The following ZNF302 variants were observed in gnomAD, a reference collection of about 807,000 sequenced individuals.
The protein encoded by ZNF302 is zinc finger protein 327.
A neutral mutation model predicts 10.8 loss-of-function variants in ZNF302; 12 were observed. That is an observed-to-expected ratio of 1.11 (90% CI 0.71 to 1.79). ZNF302 has a LOEUF of 1.79. ZNF302 is among the 40% of genes most tolerant of loss of function. ZNF302 has a pLI of 0.00. For synonymous variants in ZNF302, 178 were observed against 157.5 expected, an observed-to-expected ratio of 1.13 and a Z score of -0.98; for missense variants, 461 against 471.1, an observed-to-expected ratio of 0.98 and a Z score of 0.20.
intron 4 of ZNF302, chr19:34,683,955 T>G: frequency 7.6e-7 from 1 of 1,312,112 alleles, no homozygotes; most frequent in Non-Finnish European, 9.8e-7. Flanking sequence ...TTCTGATACT[T>G]TCCTTTTTTC....
Position 34,686,337 on chromosome 19 carries a change from GAAAT to G in ZNF302, c.*1104_*1107del, listed in dbSNP as rs1489980062. ...AATGTTAAAAATTAAAGCTGCAAAA[GAAAT>G]AAAATGGTGTTAATAAAAATTTGGC... On this transcript the variant is annotated 3_prime_UTR_variant, in exon 5 of 5. Coordinates refer to ENST00000505242, the MANE Select transcript of ZNF302 (RefSeq NM_001289187.2). 2 of 152,232 alleles carry G rather than the reference GAAAT, an allele frequency of 1.3e-5. No homozygotes were observed. Among genetic ancestry groups the G allele is most frequent in the South Asian group, 2.1e-4 (1 of 4,824 alleles). 9.4% of individuals were successfully genotyped at this position (152,232 alleles called of 1,614,324 possible).
At position 34,684,935 on chromosome 19, in the gene ZNF302, C is replaced by T; in HGVS notation, c.898C>T (p.Leu300Phe). 6.2e-7 allele frequency: 1 copy of T among 1,614,008 alleles called. No homozygotes were observed. Among genetic ancestry groups the T allele is most frequent in the Non-Finnish European group, 8.5e-7 (1 of 1,179,924 alleles). ...AAAGTCTTTTAGTCGTGTGTCCCTT[C>T]TCATTCAGCATCTAAGAATTCATAC... ...CGKSFSRVSL[L>F]IQHLRIHTQE... The change falls in exon 5 of 5, where the codon CTC (leucine) becomes TTC (phenylalanine). Residue 300 changes from leucine (L) to phenylalanine (F), a missense_variant. Coordinates refer to ENST00000505242, the MANE Select transcript of ZNF302 (RefSeq NM_001289187.2).
At chr19:34,682,990 C>T (rs185137459) in intron 3 of ZNF302, 93 bp downstream of exon 3, 16 of 1,580,974 alleles carry the variant, frequency 1.0e-5, no homozygotes, top group Non-Finnish European at 1.3e-5. Context: ...GGCTGAATTT[C>T]TGTACCATGC....
rs750030989 is a variant in ZNF302, at chr19:34,684,172, A to G, written c.215-80A>G. The G allele has an allele frequency of 3.2e-3, 461 of 144,046 alleles. 2 individuals are homozygous for G. Among genetic ancestry groups the G allele is most frequent in the Middle Eastern group, 0.011 (3 of 262 alleles). 8.9% of individuals were successfully genotyped at this position (144,046 alleles called of 1,614,324 possible). A position where few individuals can be genotyped will look rare whatever the true frequency, so the allele number is the denominator to read the frequency against. ...ACTGTAGAAGCTTTTTTCAAGAAGT[A>G]AAAAAAAAAAAAAAAAAAAAAAAAA... On this transcript the variant is annotated intron_variant, in intron 4 of 4. Coordinates refer to ENST00000505242, the MANE Select transcript of ZNF302 (RefSeq NM_001289187.2).
intron 2 of ZNF302, chr19:34,681,162 A>C (rs538420589): frequency 5.3e-4 from 81 of 152,592 alleles, no homozygotes; most frequent in African/African-American, 1.7e-3. Context: ...TACTGAATGA[A>C]CTCTCAGAGC....
At position 34,685,865 on chromosome 19, in the gene ZNF302, G is replaced by A; in HGVS notation, c.*628G>A. ...AATTGACCTAAGTATACTCACACTA[G>A]GAAAAATCTGTGTACATGTAGCAAA... On this transcript the variant is annotated 3_prime_UTR_variant, in exon 5 of 5. Coordinates refer to ENST00000505242, the MANE Select transcript of ZNF302 (RefSeq NM_001289187.2). 1 of 245,600 alleles carries A rather than the reference G, an allele frequency of 4.1e-6. No individual in the cohort carries two copies. Among genetic ancestry groups the A allele is most frequent in the Non-Finnish European group, 7.9e-6 (1 of 126,906 alleles). 15.2% of individuals were successfully genotyped at this position (245,600 alleles called of 1,614,324 possible). A position where few individuals can be genotyped will look rare whatever the true frequency, so the allele number is the denominator to read the frequency against.
At position 34,685,320 on chromosome 19, in the gene ZNF302, G is replaced by A. The variant is rs2068606259; in HGVS notation, c.*83G>A. On this transcript the variant is annotated 3_prime_UTR_variant, in exon 5 of 5. Coordinates refer to ENST00000505242, the MANE Select transcript of ZNF302 (RefSeq NM_001289187.2). ...ATTAGATTGAAACCCTACGAATGCA[G>A]TATATGTGGGAAAGCCTTTAGTCAT... The A allele has an allele frequency of 4.3e-6, 7 of 1,613,818 alleles. No homozygotes were observed. The South Asian group carries it at 5.5e-5, about 13-fold the overall frequency.
intron 3 of ZNF302, 21 bp downstream of exon 3, chr19:34,682,918 A>T: frequency 6.2e-7 from 1 of 1,610,676 alleles, no homozygotes; most frequent in Non-Finnish European, 8.5e-7. Context: ...CACCCCTTCC[A>T]CTCCAATAGG....
intron 2 of ZNF302, chr19:34,681,692 G>T (rs1487134135): frequency 6.6e-6 from 1 of 152,166 alleles, no homozygotes; most frequent in Admixed American, 6.5e-5. Flanking sequence ...GGTGGAGCTC[G>T]GGTGATAATG....
chr19:34,683,102 T>G, intron 3 of ZNF302, 53 bp from the exon 4 acceptor site: 1 of 1,609,098 alleles, frequency 6.2e-7, no homozygotes, highest in East Asian at 2.2e-5. Context: ...TGTGATGGCC[T>G]CTCATAATAG....
intron 2 of ZNF302, chr19:34,679,795 G>A (rs1370253154): frequency 1.0e-5 from 7 of 696,818 alleles, no homozygotes; most frequent in Non-Finnish European, 1.8e-5. Flanking sequence ...CCTGGTGGGA[G>A]GAATGCTTTT....
In ZNF302 at chr19:34,685,615, TGA is replaced by T. The variant is rs1463557641; in HGVS notation, c.*381_*382del. The T allele has an allele frequency of 9.1e-7, 1 of 1,101,612 alleles. No individual in the cohort carries two copies. Among genetic ancestry groups the T allele is most frequent in the Non-Finnish European group, 1.4e-6 (1 of 732,914 alleles). The allele number at this position is 1,101,612 out of a possible 1,614,324, so 68.2% of individuals were successfully genotyped here. A position where few individuals can be genotyped will look rare whatever the true frequency, so the allele number is the denominator to read the frequency against. ...TAGATCATATGAATCCCTATACATG[TGA>T]GAAATCTTACAGAAGAGAAGCAGTG... On this transcript the variant is annotated 3_prime_UTR_variant, in exon 5 of 5. Coordinates refer to ENST00000505242, the MANE Select transcript of ZNF302 (RefSeq NM_001289187.2).
chr19:34,685,227 T>C lies in ZNF302; in HGVS notation c.1190T>C (p.Phe397Ser). The change falls in exon 5 of 5, where the codon TTT (phenylalanine) becomes TCT (serine). Residue 397 changes from phenylalanine to serine, a missense_variant. By Grantham distance (155) the Phe-to-Ser change is radical. Transcript: ENST00000505242. Reference sequence around the variant, plus strand: ...AGTATTCATACTGAAGAAAAACCGTTTGAAGTTTAGAAATGCAGGAAATCC... The same window carrying C: ...AGTATTCATACTGAAGAAAAACCGTCTGAAGTTTAGAAATGCAGGAAATCC... ...HQSIHTEEKP[F>S]EV The C allele has an allele frequency of 6.2e-7, 1 of 1,612,766 alleles. No individual in the cohort carries two copies. The highest frequency in any genetic ancestry group is 8.5e-7 in the Non-Finnish European group (1 of 1,179,288).
intron 2 of ZNF302, chr19:34,682,389 T>C (rs36059739): frequency 0.25 from 39,905 of 156,526 alleles, 5,227 homozygotes; most frequent in South Asian, 0.34. Context: ...GAGAGACAAT[T>C]GCTTTAGCCT....
chr19:34,682,158 A>C (rs2068384853), intron 2 of ZNF302: 1 of 152,264 alleles, frequency 6.6e-6, no homozygotes, highest in African/African-American at 2.4e-5. Flanking sequence ...CTCTTCCCTG[A>C]TGATGACATT....
chr19:34,678,915 GGGACTA>G, intron 2 of ZNF302, 102 bp downstream of exon 2: 2 of 1,382,304 alleles, frequency 1.4e-6, no homozygotes, highest in Non-Finnish European at 2.1e-6. Flanking sequence ...GTCCATTTAA[GGGACTA>G]GATCTATGGT....
chr19:34,685,108 T>C lies in ZNF302; in HGVS notation c.1071T>C (p.Thr357=). ...CTTTCTGCTGTAGCTCACACCTTAC[T>C]CAACATCAAAGAATTCACAGTATGA... ...GKAFCCSSHL[T]QHQRIHSMKK... The change falls in exon 5 of 5, where the codon ACT becomes ACC. Residue 357 remains threonine, a synonymous_variant. Coordinates refer to ENST00000505242, the MANE Select transcript of ZNF302 (RefSeq NM_001289187.2). 6.2e-7 allele frequency: 1 copy of C among 1,612,860 alleles called. No homozygotes were observed. The highest frequency in any genetic ancestry group is 8.5e-7 in the Non-Finnish European group (1 of 1,179,620).
chr19:34,684,913 G>C lies in ZNF302; in HGVS notation c.876G>C (p.Lys292Asn). 1 of 1,613,978 alleles carries C rather than the reference G, an allele frequency of 6.2e-7. No homozygotes were observed. The change falls in exon 5 of 5, where the codon AAG (lysine) becomes AAC (asparagine). Residue 292 changes from lysine (K) to asparagine (N), a missense_variant. Lys to Asn is a moderately conservative substitution (Grantham distance 94, BLOSUM62 0). Coordinates refer to ENST00000505242, the MANE Select transcript of ZNF302 (RefSeq NM_001289187.2). ...EKPYECMNCG[K>N]SFSRVSLLIQ... ...CGTATGAATGTATGAACTGTGGAAA[G>C]TCTTTTAGTCGTGTGTCCCTTCTCA... is the stretch of plus-strand genomic sequence containing the variant.
At position 34,684,632 on chromosome 19, in the gene ZNF302, A is replaced by G. The variant is rs186523772; in HGVS notation, c.595A>G (p.Lys199Glu). The part of the protein sequence containing the change: ...LTLPQTCNRE[K>E]IYTCSECGKA... ...CCTTCCCCAGACTTGTAATAGAGAG[A>G]AAATCTATACATGCAGTGAATGTGG... Residue 199 changes from lysine (K) to glutamate (E), a missense_variant, in exon 5 of 5, where the codon AAA becomes GAA. By Grantham distance (56) the Lys-to-Glu change is moderately conservative. Transcript: ENST00000505242. 2,157 of 1,614,110 alleles carry G rather than the reference A, an allele frequency of 1.3e-3. 27 individuals carry two copies. The African/African-American group carries it at 0.025, about 18-fold the overall frequency.
Sources: gnomAD v4.1 joint callset for allele counts on GRCh38, gnomAD v4.1.1 for gene constraint, MANE v1.5 for transcripts, NCBI Gene and HGNC (gene_info 2026-07-23, HGNC 2026-07-21) for gene names.